APBA1: variants seen among roughly 807,000 people sequenced by gnomAD.
The protein encoded by APBA1 is amyloid beta precursor protein binding family A member 1, also known as amyloid-beta A4 precursor protein-binding family A member 1.
APBA1 carries 55 observed loss-of-function variants against 86.6 expected under a neutral mutation model. The ratio of observed to expected loss-of-function variants is 0.64; its 90% CI spans 0.51 to 0.80. The LOEUF (loss-of-function observed/expected upper bound fraction) is 0.80, where lower values mean the gene tolerates loss of function less well. APBA1 is among the 30% of genes least tolerant of loss of function. APBA1 has a pLI of 0.00. For synonymous variants in APBA1, 511 were observed against 493.9 expected (o/e 1.03, Z -0.46); for missense variants, 1,090 against 1,183.0 (o/e 0.92, Z 1.15).
At chr9:69,538,778 G>A (rs1201406427) in intron 1 of APBA1, among the ~76,000 whole-genome samples, 1 of 152,220 alleles carries the variant, frequency 6.6e-6, no homozygotes, top group Non-Finnish European at 1.5e-5. Context: ...CTTACAAGAT[G>A]TGTTTTTATC....
intron 2 of APBA1, among the ~76,000 whole-genome samples, chr9:69,502,866 C>T (rs1018773385): frequency 5.9e-5 from 9 of 152,134 alleles, no homozygotes; most frequent in South Asian, 4.1e-4. Context: ...AAACTAAGCA[C>T]ACTATCAAGC....
chr9:69,560,242 T>C (rs887118677), intron 1 of APBA1, among the ~76,000 whole-genome samples: 2 of 152,348 alleles, frequency 1.3e-5, no homozygotes, highest in East Asian at 3.9e-4. Context: ...TTTCTTTCTT[T>C]TGATCTTTAT....
At position 69,456,428 on chromosome 9, in the gene APBA1, G is replaced by A; in HGVS notation, c.1607C>T (p.Thr536Ile). ...GGTCCTCAGAGGGTGGTCCATCATT[G>A]TCTCCTGGAGGCAGGAAGAGAGGGC... ...IKVLNADTQE[T>I]MMDHPLRTIS... Residue 536 changes from threonine to isoleucine, a missense_variant, in exon 8 of 13, where the codon ACA (threonine) becomes ATA (isoleucine). Thr to Ile is a moderately conservative substitution (Grantham distance 89). Coordinates refer to ENST00000265381, the MANE Select transcript of APBA1 (RefSeq NM_001163.4). The A allele has an allele frequency of 6.3e-7, 1 of 1,589,178 alleles. No individual in the cohort carries two copies. The highest frequency in any genetic ancestry group is 8.6e-7 in the Non-Finnish European group (1 of 1,166,202).
chr9:69,570,575 G>C (rs973534974), intron 1 of APBA1, among the ~76,000 whole-genome samples: 2 of 152,132 alleles, frequency 1.3e-5, no homozygotes, highest in African/African-American at 4.8e-5. Context: ...CCTCTGAAAA[G>C]GGACTAAGTA....
intron 2 of APBA1, among the ~76,000 whole-genome samples, chr9:69,514,771 G>A (rs1293612058): frequency 2.0e-5 from 3 of 151,344 alleles, no homozygotes; most frequent in Non-Finnish European, 4.4e-5. Context: ...TTAGCTGGAC[G>A]TGGTGACACC....
At chr9:69,504,269 C>G (rs529843589) in intron 2 of APBA1, among the ~76,000 whole-genome samples, 6 of 152,020 alleles carry the variant, frequency 3.9e-5, no homozygotes, top group Non-Finnish European at 7.4e-5. Context: ...TTCTTTGGCT[C>G]CAGGACATGG....
chr9:69,634,410 T>A (rs889428655), intron 1 of APBA1, among the ~76,000 whole-genome samples: 2 of 152,156 alleles, frequency 1.3e-5, no homozygotes, highest in Admixed American at 6.6e-5. Context: ...GTCTTGCCAC[T>A]GCGGATTAAA....
rs564196859 is a variant in APBA1 at position 69,546,134 on chromosome 9, T to C, written c.-69-28855A>G. 2.6e-5 allele frequency among the ~76,000 whole-genome samples: 4 copies of C among 152,310 alleles called. No individual in the cohort carries two copies. In the South Asian group the frequency reaches 8.3e-4, roughly 32 times the overall value. On this transcript the variant is annotated intron_variant, in intron 1 of 12. Transcript: ENST00000265381. ...ATGCAATCTGAAAATGAGGTTGTCATTTGTATTTGGGGGGTATCATTTGTA... is the reference window on the plus strand; with the variant it reads ...ATGCAATCTGAAAATGAGGTTGTCACTTGTATTTGGGGGGTATCATTTGTA...
chr9:69,646,849 T>C (rs1321647801), intron 1 of APBA1, among the ~76,000 whole-genome samples: 2 of 152,226 alleles, frequency 1.3e-5, no homozygotes, highest in Admixed American at 6.5e-5. Context: ...GAAGGTAATA[T>C]AGACACACCC....
chr9:69,542,271 A>G (rs7860824), intron 1 of APBA1, among the ~76,000 whole-genome samples: 5,887 of 152,290 alleles, frequency 0.039, 416 homozygotes, highest in African/African-American at 0.13. Flanking sequence ...GCACATCGTT[A>G]TAAAACAAAG....
chr9:69,487,643 G>T (rs1207157512), intron 2 of APBA1, among the ~76,000 whole-genome samples: 3 of 152,022 alleles, frequency 2.0e-5, no homozygotes, highest in Admixed American at 6.5e-5. Context: ...GAGGGAACGG[G>T]TTAGTTATCG....
At chr9:69,524,317 A>G (rs564367897) in intron 1 of APBA1, among the ~76,000 whole-genome samples, 11 of 152,250 alleles carry the variant, frequency 7.2e-5, no homozygotes, top group Admixed American at 3.9e-4. Context: ...GAAAGGATAA[A>G]CAAGATTAAT....
At chr9:69,534,372 T>C (rs916531712) in intron 1 of APBA1, among the ~76,000 whole-genome samples, 1 of 152,136 alleles carries the variant, frequency 6.6e-6, no homozygotes, top group Non-Finnish European at 1.5e-5. Context: ...AAAGTGGAAG[T>C]GAGGATGTCA....
At position 69,539,660 on chromosome 9, in the gene APBA1, G is replaced by A. The variant is rs77811064; in HGVS notation, c.-69-22381C>T. 1.0e-3 allele frequency among the ~76,000 whole-genome samples: 157 copies of A among 152,208 alleles called. No individual in the cohort carries two copies. The East Asian group carries it at 0.026, about 25-fold the overall frequency. ...TCTCCCTCGCACCTCTCACCTCAGC[G>A]TCTACGCTCCTCCTGTCCTTATTTT... On this transcript the variant is annotated intron_variant, in intron 1 of 12. Transcript: ENST00000265381.
intron 1 of APBA1, among the ~76,000 whole-genome samples, chr9:69,526,834 T>C (rs762302385): frequency 1.5e-4 from 23 of 152,066 alleles, no homozygotes; most frequent in Non-Finnish European, 2.9e-4. Context: ...TGCTCATCAA[T>C]GGTGGGCTGG....
At chr9:69,650,964 T>C (rs1823486751) in intron 1 of APBA1, among the ~76,000 whole-genome samples, 1 of 152,332 alleles carries the variant, frequency 6.6e-6, no homozygotes, top group Non-Finnish European at 1.5e-5. Context: ...ATATATAACA[T>C]TGTTCATAGT....
At chr9:69,451,571 C>T (rs996225627) in intron 9 of APBA1, among the ~76,000 whole-genome samples, 21 of 152,092 alleles carry the variant, frequency 1.4e-4, no homozygotes, top group African/African-American at 5.1e-4. Context: ...CTCCAGGCTT[C>T]CAACCATTCC....
intron 1 of APBA1, among the ~76,000 whole-genome samples, chr9:69,523,491 ATATATG>A (rs1201075682): frequency 7.1e-3 from 94 of 13,168 alleles, no homozygotes; most frequent in East Asian, 0.056. Context: ...ATATATATAT[ATATATG>A]TATATATATA....
intron 2 of APBA1, among the ~76,000 whole-genome samples, chr9:69,484,878 GCTTT>G (rs1835581243): frequency 6.6e-6 from 1 of 152,084 alleles, no homozygotes; most frequent in Non-Finnish European, 1.5e-5. Context: ...TGCACCCAAT[GCTTT>G]CTTCATTTTT....
Sources: gnomAD v4.1 joint callset for allele counts (sites outside exome capture counted in the v4.1 genomes callset) on GRCh38, gnomAD v4.1.1 for gene constraint, MANE v1.5 for transcripts, NCBI Gene and HGNC (gene_info 2026-07-23, HGNC 2026-07-21) for gene names.